PAK3: variants seen among roughly 807,000 people sequenced by gnomAD.
The protein encoded by PAK3 is serine/threonine-protein kinase PAK 3.
In PAK3, 4 loss-of-function variants were observed where a neutral mutation model predicts 41.0. That is an observed-to-expected ratio of 0.10 (90% CI 0.05 to 0.22). PAK3 has a LOEUF of 0.22. Among genes scored for constraint, PAK3 ranks in the 10% least tolerant of loss-of-function variants. The probability of loss-of-function intolerance (pLI) is 1.00; values close to 1 mark genes in which losing one functional copy is unlikely to be tolerated. For synonymous variants in PAK3, 146 were observed against 139.6 expected, an observed-to-expected ratio of 1.05 and a Z score of -0.32; for missense variants, 205 against 409.9, an observed-to-expected ratio of 0.50 and a Z score of 4.32.
At chrX:110,953,939 G>A (rs922569900) in intron 1 of PAK3, among the ~76,000 whole-genome samples, 20 of 111,899 alleles carry the variant, frequency 1.8e-4, no homozygotes, top group African/African-American at 6.2e-4. Flanking sequence ...GACTGTTTTG[G>A]CCCAAGCTTT....
chrX:110,989,015 A>G (rs1191302450), intron 1 of PAK3, among the ~76,000 whole-genome samples: 1 of 112,406 alleles, frequency 8.9e-6, no homozygotes, highest in East Asian at 2.8e-4. Context: ...AAAATCAAAT[A>G]ATTAGCTTAA....
chrX:110,996,847 G>A (rs1437346832), intron 1 of PAK3, among the ~76,000 whole-genome samples: 2 of 112,063 alleles, frequency 1.8e-5, no homozygotes, highest in African/African-American at 6.5e-5. Flanking sequence ...CCAGTCTGTA[G>A]TATTTTGTTA....
At chrX:111,063,284 C>G (rs993947032) in intron 1 of PAK3, among the ~76,000 whole-genome samples, 3 of 112,169 alleles carry the variant, frequency 2.7e-5, no homozygotes, top group Non-Finnish European at 5.6e-5. Context: ...AAAATACTAT[C>G]TACCCCAAAA....
At chrX:110,978,761 CTCTT>C (rs1275581283) in intron 1 of PAK3, among the ~76,000 whole-genome samples, 22 of 101,042 alleles carry the variant, frequency 2.2e-4, no homozygotes, top group Admixed American at 6.6e-4. Flanking sequence ...CTCTCTCTCT[CTCTT>C]TCTTTCTTTC....
intron 11 of PAK3, among the ~76,000 whole-genome samples, chrX:111,175,541 G>A (rs1177681907): frequency 9.0e-6 from 1 of 111,097 alleles, no homozygotes; most frequent in Non-Finnish European, 1.9e-5. Context: ...AGCCTTAACT[G>A]GGAGTTATTT....
At position 111,147,883 on chromosome X, in the gene PAK3, A is replaced by G. The variant is rs2093969833; in HGVS notation, c.423A>G (p.Thr141=). The G allele has an allele frequency of 8.4e-7, 1 of 1,191,975 alleles. No individual in the cohort carries two copies. The highest frequency in any genetic ancestry group is 1.8e-5 in the African/African-American group (1 of 57,036). The stretch of plus-strand genomic sequence containing the variant: ...ACAACCAGAAATACATGAGCTTTAC[A>G]TCAGGAGGTAAGAGGAAGTCTGTGG... ...TVNNQKYMSF[T]SGDKSAHGYI... The change falls in exon 7 of 18, where the codon ACA becomes ACG. Residue 141 remains threonine (T), a synonymous_variant. Transcript: ENST00000372007.
At position 111,216,521 on chromosome X, in the gene PAK3, A is replaced by G. The variant is rs771356919; in HGVS notation, c.1508A>G (p.Asp503Gly). Residue 503 changes from aspartate to glycine, a missense_variant, in exon 17 of 18, where the codon GAT (aspartate) becomes GGT (glycine). Physicochemically the swap from Asp to Gly is moderately conservative, Grantham distance 94. Around this residue, in one of 5 missense-constraint regions of PAK3, gnomAD observed 40 missense variants for 54.4 expected, o/e 0.74. Coordinates refer to ENST00000372007, the MANE Select transcript of PAK3 (RefSeq NM_002578.5). ...TTTTTAAATCGCTGTCTTGAGATGG[A>G]TGTGGATAGGCGAGGATCTGCCAAG... ...RDFLNRCLEM[D>G]VDRRGSAKEL... 8.3e-7 allele frequency: 1 copy of G among 1,200,774 alleles called. No homozygotes were observed. The highest frequency in any genetic ancestry group is 2.2e-5 in the Admixed American group (1 of 46,007).
intron 16 of PAK3, among the ~76,000 whole-genome samples, chrX:111,210,812 A>G (rs986997740): frequency 8.9e-6 from 1 of 111,733 alleles, no homozygotes; most frequent in African/African-American, 3.3e-5. Context: ...CATATAAACC[A>G]AGAACTCTCA....
At chrX:111,195,997 T>G (rs913536589) in intron 15 of PAK3, 56 bp downstream of exon 15, 1 of 686,585 alleles carries the variant, frequency 1.5e-6, no homozygotes, top group Non-Finnish European at 2.4e-6. Flanking sequence ...GTTCTTTCAT[T>G]GTATATCTTA....
At chrX:111,004,500 T>C (rs1406514102) in intron 1 of PAK3, among the ~76,000 whole-genome samples, 2 of 112,561 alleles carry the variant, frequency 1.8e-5, no homozygotes, top group Admixed American at 9.4e-5. Flanking sequence ...GGAGAGAATA[T>C]TCGTCATTTG....
At chrX:111,055,845 T>C (rs1202389315) in intron 1 of PAK3, among the ~76,000 whole-genome samples, 1 of 111,726 alleles carries the variant, frequency 9.0e-6, no homozygotes, top group Non-Finnish European at 1.9e-5. Flanking sequence ...CTAAGATGAC[T>C]CTAGTCCACA....
intron 1 of PAK3, among the ~76,000 whole-genome samples, chrX:110,978,648 CTTTT>C (rs1054626803): frequency 7.2e-5 from 8 of 110,714 alleles, no homozygotes; most frequent in Admixed American, 3.8e-4. Flanking sequence ...TGCCTTCTTT[CTTTT>C]TCTTTCTTTC....
intron 5 of PAK3, among the ~76,000 whole-genome samples, chrX:111,123,690 G>A (rs1380660442): frequency 1.8e-5 from 2 of 111,560 alleles, no homozygotes; most frequent in Non-Finnish European, 3.8e-5. Context: ...TGAAAATTTT[G>A]AATTCAGTAT....
chrX:111,167,070 A>G (rs1047566654), intron 10 of PAK3, among the ~76,000 whole-genome samples: 7 of 111,946 alleles, frequency 6.3e-5, no homozygotes, highest in Non-Finnish European at 1.3e-4. Context: ...GACATCTAGC[A>G]CAATAAACAG....
chrX:111,151,679 T>A (rs779591779), intron 7 of PAK3, among the ~76,000 whole-genome samples: 7 of 112,143 alleles, frequency 6.2e-5, no homozygotes, highest in Admixed American at 5.7e-4. Flanking sequence ...CCTACTTACC[T>A]GTGATAAAGT....
chrX:111,106,087 T>A (rs934988416), intron 4 of PAK3, among the ~76,000 whole-genome samples: 2 of 111,438 alleles, frequency 1.8e-5, no homozygotes, highest in Non-Finnish European at 3.8e-5. Context: ...TTCGTGTACA[T>A]GCACATGTGT....
intron 10 of PAK3, among the ~76,000 whole-genome samples, chrX:111,165,224 C>G (rs777676183): frequency 1.8e-5 from 2 of 111,911 alleles, no homozygotes; most frequent in Non-Finnish European, 3.8e-5. Flanking sequence ...CTCAGAACTA[C>G]AATTGCTAGA....
At chrX:111,191,273 A>T (rs890492366) in intron 11 of PAK3, among the ~76,000 whole-genome samples, 1 of 110,325 alleles carries the variant, frequency 9.1e-6, no homozygotes, top group African/African-American at 3.3e-5. Context: ...TAATTTTTAA[A>T]TTTTTCATAG....
At chrX:111,093,346 G>A (rs2092944488), upstream of PAK3, among the ~76,000 whole-genome samples, 1 of 111,733 alleles carries the variant, frequency 8.9e-6, no homozygotes, top group South Asian at 3.8e-4. Flanking sequence ...ATACAAAAGT[G>A]GTTTGTAACC....
Sources: allele counts gnomAD v4.1 joint callset (sites outside exome capture counted in the v4.1 genomes callset), GRCh38; gene constraint gnomAD v4.1.1; regional missense constraint gnomAD v4.1.1; transcripts MANE v1.5; gene names NCBI Gene and HGNC (gene_info 2026-07-23, HGNC 2026-07-21).